PPP2R2C: variants seen among roughly 807,000 people sequenced by gnomAD.
The protein encoded by PPP2R2C is protein phosphatase 2 regulatory subunit Bgamma.
Under a neutral mutation model 45.3 loss-of-function variants are expected in PPP2R2C, and 10 were observed. The observed-to-expected ratio is 0.22, with a 90% CI of 0.14 to 0.37. The LOEUF is 0.37. Ranked by LOEUF, PPP2R2C falls within the 10% of genes least tolerant of loss-of-function variation. The pLI is 1.00. For missense variants in PPP2R2C, 308 were observed against 619.7 expected, an observed-to-expected ratio of 0.50 and a Z score of 5.34; for synonymous variants, 257 against 245.4, an observed-to-expected ratio of 1.05 and a Z score of -0.44.
At chr4:6,348,460 C>T (rs1012378704) in intron 5 of PPP2R2C, among the ~76,000 whole-genome samples, 1 of 152,112 alleles carries the variant, frequency 6.6e-6, no homozygotes, top group Non-Finnish European at 1.5e-5. Context: ...CTTCCCGGTC[C>T]CTTTTCAAAT....
intron 5 of PPP2R2C, among the ~76,000 whole-genome samples, chr4:6,366,436 A>C (rs1310475045): frequency 6.6e-6 from 1 of 152,226 alleles, no homozygotes; most frequent in Admixed American, 6.5e-5. Flanking sequence ...ACAACCGTTC[A>C]TAAGTACCTC....
chr4:6,545,938 C>T (rs1023846422), intron 1 of PPP2R2C, among the ~76,000 whole-genome samples: 3 of 152,086 alleles, frequency 2.0e-5, no homozygotes, highest in African/African-American at 2.4e-5. Flanking sequence ...GAAGGCAATG[C>T]CCCAGCACCA....
chr4:6,381,739 T>A (rs1374013088), intron 1 of PPP2R2C: 1 of 1,588,690 alleles, frequency 6.3e-7, no homozygotes, highest in Non-Finnish European at 8.5e-7. Flanking sequence ...TTTCTTCAGG[T>A]CACTCAGGAA....
At chr4:6,342,738 C>G in intron 6 of PPP2R2C, among the ~76,000 whole-genome samples, 1 of 152,234 alleles carries the variant, frequency 6.6e-6, no homozygotes. Context: ...CCCTGTCACA[C>G]TGCCAAGCAG....
At chr4:6,522,488 A>G (rs1724058713) in intron 2 of PPP2R2C, among the ~76,000 whole-genome samples, 1 of 152,236 alleles carries the variant, frequency 6.6e-6, no homozygotes, top group Non-Finnish European at 1.5e-5. Flanking sequence ...ACCTGCTTCC[A>G]GAGCTCCAAG....
At chr4:6,561,634 C>T (rs144743111) in intron 1 of PPP2R2C, among the ~76,000 whole-genome samples, 43 of 151,986 alleles carry the variant, frequency 2.8e-4, no homozygotes, top group Non-Finnish European at 5.6e-4. Context: ...AACACACACA[C>T]AGACACACCT....
Position 6,463,861 on chromosome 4 carries a change from G to A in PPP2R2C, c.70+8299C>T, listed in dbSNP as rs6833187. ...GTCTCTCCTCCTGCTGAACCCTCTC[G>A]ATTGCCTTTCATCGCAACACAGATA... On this transcript the variant is annotated intron_variant, in intron 1 of 8. Coordinates refer to ENST00000382599, the MANE Select transcript of PPP2R2C (RefSeq NM_020416.4). 1.6e-3 allele frequency among the ~76,000 whole-genome samples: 244 copies of A among 152,254 alleles called. 3 individuals are homozygous for A. Among genetic ancestry groups the A allele is most frequent in the African/African-American group, 5.3e-3 (222 of 41,532 alleles).
chr4:6,514,782 T>A (rs1723780387), intron 2 of PPP2R2C, among the ~76,000 whole-genome samples: 2 of 152,038 alleles, frequency 1.3e-5, no homozygotes, highest in Admixed American at 1.3e-4. Flanking sequence ...AGTTCTGGAG[T>A]CTAGAAATCT....
Position 6,413,788 on chromosome 4 carries a change from G to T in PPP2R2C, c.71-32694C>A, listed in dbSNP as rs1718362173. The T allele has an allele frequency of 2.2e-6, 3 of 1,345,240 alleles. No homozygotes were observed. The South Asian group carries it at 4.0e-5, about 18-fold the overall frequency. The allele number at this position is 1,345,240 out of a possible 1,614,324, so 83.3% of individuals were successfully genotyped here. On this transcript the variant is annotated intron_variant, in intron 1 of 8. Transcript: ENST00000382599. ...GGTCACTGAGACTCTGAGAAGTGGA[G>T]ACTGGCCAAAGGCCACAGCTAGCAG...
intron 5 of PPP2R2C, among the ~76,000 whole-genome samples, chr4:6,360,884 G>A (rs1713672707): frequency 6.6e-6 from 1 of 152,174 alleles, no homozygotes; most frequent in Non-Finnish European, 1.5e-5. Flanking sequence ...TCCTCGGCTT[G>A]AAGGTGACTG....
intron 6 of PPP2R2C, among the ~76,000 whole-genome samples, chr4:6,342,509 C>T (rs1025754088): frequency 5.9e-5 from 9 of 152,156 alleles, no homozygotes; most frequent in Admixed American, 3.9e-4. Flanking sequence ...GTTATTATTT[C>T]ACCCAACACC....
At chr4:6,552,029 G>A (rs1440564967) in intron 1 of PPP2R2C, among the ~76,000 whole-genome samples, 2 of 152,244 alleles carry the variant, frequency 1.3e-5, no homozygotes, top group African/African-American at 2.4e-5. Context: ...GATGAGACAA[G>A]TGGCAGCAAA....
At chr4:6,507,483 G>A (rs562506010) in intron 2 of PPP2R2C, among the ~76,000 whole-genome samples, 1 of 152,376 alleles carries the variant, frequency 6.6e-6, no homozygotes, top group African/African-American at 2.4e-5. Flanking sequence ...ACCCTGTAAA[G>A]AAGGTGGGCT....
intron 1 of PPP2R2C, among the ~76,000 whole-genome samples, chr4:6,456,703 C>T (rs1015550720): frequency 8.5e-5 from 13 of 152,186 alleles, no homozygotes; most frequent in Admixed American, 2.6e-4. Flanking sequence ...CGGTGAACCA[C>T]GGGCTGCCTT....
chr4:6,519,511 G>A (rs902544096), intron 2 of PPP2R2C, among the ~76,000 whole-genome samples: 2 of 152,186 alleles, frequency 1.3e-5, no homozygotes, highest in Admixed American at 6.5e-5. Flanking sequence ...CAGCCACACA[G>A]GCCTCTGGGC....
At chr4:6,455,649 T>C (rs1289487742) in intron 1 of PPP2R2C, among the ~76,000 whole-genome samples, 2 of 152,154 alleles carry the variant, frequency 1.3e-5, no homozygotes, top group Non-Finnish European at 2.9e-5. Flanking sequence ...CTGAGCCCCC[T>C]ACTCTCCTTT....
At chr4:6,538,073 C>T (rs1724689735) in intron 1 of PPP2R2C, among the ~76,000 whole-genome samples, 1 of 152,090 alleles carries the variant, frequency 6.6e-6, no homozygotes, top group African/African-American at 2.4e-5. Context: ...CCGGATGCTA[C>T]TGAATTAGAC....
intron 7 of PPP2R2C, 37 bp downstream of exon 7, chr4:6,333,525 A>G: frequency 6.2e-7 from 1 of 1,600,588 alleles, no homozygotes; most frequent in South Asian, 1.1e-5. Flanking sequence ...TAGGGAAAAA[A>G]GACCCGGGAT....
intron 2 of PPP2R2C, among the ~76,000 whole-genome samples, chr4:6,534,072 A>C (rs1331711578): frequency 2.0e-5 from 3 of 150,848 alleles, no homozygotes; most frequent in African/African-American, 4.9e-5. Context: ...ACACACACAC[A>C]CCAACATACA....
Sources: allele counts gnomAD v4.1 joint callset (sites outside exome capture counted in the v4.1 genomes callset), GRCh38; gene constraint gnomAD v4.1.1; transcripts MANE v1.5; gene names NCBI Gene and HGNC (gene_info 2026-07-23, HGNC 2026-07-21).